NT5C3A: variants seen among roughly 807,000 people sequenced by gnomAD.
The protein encoded by NT5C3A is 5'-nucleotidase, cytosolic IIIA.
Under a neutral mutation model 40.0 loss-of-function variants are expected in NT5C3A, and 23 were observed. That is an observed-to-expected ratio of 0.58 (90% CI 0.41 to 0.81). NT5C3A has a LOEUF of 0.81. NT5C3A is among the 40% of genes least tolerant of loss of function. The pLI is 0.00. For missense variants in NT5C3A, 328 were observed against 403.0 expected, an observed-to-expected ratio of 0.81 and a Z score of 1.59; for synonymous variants, 130 against 141.4, an observed-to-expected ratio of 0.92 and a Z score of 0.57.
At chr7:33,017,237 T>C in intron 7 of NT5C3A, 1 of 563,808 alleles carries the variant, frequency 1.8e-6, no homozygotes, top group South Asian at 2.5e-5. Context: ...AGTCTATAGC[T>C]TGGGGAATGA....
chr7:33,037,480 TAA>T (rs1786672615), intron 1 of NT5C3A, among the ~76,000 whole-genome samples: 1 of 152,226 alleles, frequency 6.6e-6, no homozygotes, highest in South Asian at 2.1e-4. Flanking sequence ...GACTTTTTCT[TAA>T]ACTCTAGTAA....
chr7:33,036,194 C>A, intron 1 of NT5C3A: 1 of 576,988 alleles, frequency 1.7e-6, no homozygotes. Context: ...CTTGGATAAT[C>A]CATTCAAGGA....
intron 8 of NT5C3A, 59 bp from the exon 9 acceptor site, chr7:33,014,890 A>T (rs1392960552): frequency 7.1e-6 from 10 of 1,416,534 alleles, no homozygotes; most frequent in Non-Finnish European, 9.9e-6. Flanking sequence ...AAATAATTTC[A>T]GTATGAATCT....
At chr7:33,021,473 G>A in intron 4 of NT5C3A, 116 bp from the exon 5 acceptor site, 1 of 1,249,330 alleles carries the variant, frequency 8.0e-7, no homozygotes, top group East Asian at 2.5e-5. Flanking sequence ...TAAAAGTTGA[G>A]CTAATGCATC....
At chr7:33,027,268 C>T (rs1264578203) in intron 1 of NT5C3A, among the ~76,000 whole-genome samples, 1 of 152,112 alleles carries the variant, frequency 6.6e-6, no homozygotes, top group Non-Finnish European at 1.5e-5. Context: ...TGAGGTCTTG[C>T]TTTGTTGCTC....
chr7:33,015,642 GA>G, intron 8 of NT5C3A, 27 bp downstream of exon 8: 4 of 1,467,418 alleles, frequency 2.7e-6, no homozygotes, highest in South Asian at 2.3e-5. Context: ...TATTTTCTTC[GA>G]AAAAAATTAC....
At position 33,057,851 on chromosome 7, in the gene NT5C3A, CT is replaced by C. The variant is rs1249908617; in HGVS notation, c.138+4716del. Reference sequence around the variant, plus strand: ...GGTTCTAGTGACCATTCCATCTCCCCTATCCTGCTGTCTAAATAATTTCCTC... The same window carrying C: ...GGTTCTAGTGACCATTCCATCTCCCCATCCTGCTGTCTAAATAATTTCCTC... On this transcript the variant is annotated intron_variant, in intron 1 of 8. Coordinates refer to ENST00000610140, the MANE Select transcript of NT5C3A (RefSeq NM_001002010.5). Among the ~76,000 whole-genome samples the C allele has an allele frequency of 7.2e-5, 11 of 152,350 alleles. No homozygotes were observed. In the East Asian group the frequency reaches 7.7e-4, roughly 11 times the overall value.
rs3082829 is a variant in NT5C3A at position 33,060,369 on chromosome 7, C to CTT, written c.138+2197_138+2198dup. 1.3e-3 allele frequency among the ~76,000 whole-genome samples: 105 copies of CTT among 78,504 alleles called. 6 individuals are homozygous for CTT. The highest frequency in any genetic ancestry group is 3.5e-3 in the African/African-American group (64 of 18,184). The allele number at this position is 78,504 out of a possible 152,430, so 51.5% of individuals were successfully genotyped here. On this transcript the variant is annotated intron_variant, in intron 1 of 8. Coordinates refer to ENST00000610140, the MANE Select transcript of NT5C3A (RefSeq NM_001002010.5). ...TCCCATTCCGTATCTTGCTTTCCTTCTTTTTTTTTTTTTTTTTTTTTTTTT... is the reference window on the plus strand; with the variant it reads ...TCCCATTCCGTATCTTGCTTTCCTTCTTTTTTTTTTTTTTTTTTTTTTTTTTT...
At chr7:33,029,782 G>A (rs1025301273) in intron 1 of NT5C3A, 89 of 1,030,320 alleles carry the variant, frequency 8.6e-5, no homozygotes, top group Non-Finnish European at 1.1e-4. Context: ...TCCCAGGCTG[G>A]TCTCAAACTC....
intron 1 of NT5C3A, among the ~76,000 whole-genome samples, chr7:33,051,938 C>T (rs986751438): frequency 2.6e-5 from 4 of 152,148 alleles, no homozygotes; most frequent in Non-Finnish European, 2.9e-5. Context: ...AAAAGCAATA[C>T]ATGCTCATGA....
At chr7:33,019,099 A>G (rs1425023292) in intron 6 of NT5C3A, among the ~76,000 whole-genome samples, 1 of 151,894 alleles carries the variant, frequency 6.6e-6, no homozygotes, top group African/African-American at 2.4e-5. Context: ...ACAAAAATAT[A>G]CAAAAATTAG....
chr7:33,036,457 T>C (rs1261711618), intron 1 of NT5C3A: 1 of 172,776 alleles, frequency 5.8e-6, no homozygotes, highest in African/African-American at 2.4e-5. Context: ...ACATAAAGCA[T>C]CTTTTTTTTT....
chr7:33,015,208 T>C (rs771564410), intron 8 of NT5C3A, among the ~76,000 whole-genome samples: 5 of 152,158 alleles, frequency 3.3e-5, no homozygotes, highest in Admixed American at 2.6e-4. Context: ...TCCCAGTACC[T>C]ATAGCATGCA....
In NT5C3A at chr7:33,060,084, GACTAC is replaced by G. The variant is rs781727759; in HGVS notation, c.138+2479_138+2483del. Among the ~76,000 whole-genome samples the G allele has an allele frequency of 6.6e-4, 101 of 152,200 alleles. 1 individual carries two copies. The highest frequency in any genetic ancestry group is 3.4e-3 in the Middle Eastern group (1 of 294). Reference sequence around the variant, plus strand: ...TCACCTTCGGCCCCTAAGTAGGTGGGACTACACTACAAGTGTGTGCCACTGCACTG... The same window carrying G: ...TCACCTTCGGCCCCTAAGTAGGTGGGACTACAAGTGTGTGCCACTGCACTG... On this transcript the variant is annotated intron_variant, in intron 1 of 8. Coordinates refer to ENST00000610140, the MANE Select transcript of NT5C3A (RefSeq NM_001002010.5).
chr7:33,058,466 C>T (rs935147511), intron 1 of NT5C3A, among the ~76,000 whole-genome samples: 7 of 152,088 alleles, frequency 4.6e-5, no homozygotes, highest in African/African-American at 1.7e-4. Flanking sequence ...CCTGCCTCAG[C>T]CTCCCAAGTA....
chr7:33,025,948 G>A (rs1050286126), intron 2 of NT5C3A, among the ~76,000 whole-genome samples: 12 of 152,190 alleles, frequency 7.9e-5, no homozygotes, highest in African/African-American at 2.9e-4. Flanking sequence ...CACTTTGGGA[G>A]GCCGAGGTGG....
chr7:33,030,455 A>T (rs926658177), intron 1 of NT5C3A, among the ~76,000 whole-genome samples: 4 of 152,188 alleles, frequency 2.6e-5, no homozygotes, highest in Non-Finnish European at 4.4e-5. Context: ...TGTCTGAAAA[A>T]TTTTCAATTT....
chr7:33,016,599 G>A (rs1256725678), intron 7 of NT5C3A, among the ~76,000 whole-genome samples: 1 of 150,744 alleles, frequency 6.6e-6, no homozygotes, highest in African/African-American at 2.4e-5. Context: ...GAACCTGGGA[G>A]GTGGAGGTTG....
intron 2 of NT5C3A, among the ~76,000 whole-genome samples, chr7:33,024,847 T>G (rs963232788): frequency 8.5e-5 from 13 of 152,178 alleles, no homozygotes; most frequent in South Asian, 4.1e-4. Flanking sequence ...CTTTAAAAAT[T>G]GAAAAAATCC....
Sources: allele counts gnomAD v4.1 joint callset (sites outside exome capture counted in the v4.1 genomes callset), GRCh38; gene constraint gnomAD v4.1.1; transcripts MANE v1.5; gene names NCBI Gene and HGNC (gene_info 2026-07-23, HGNC 2026-07-21).